The following PLA2G4A variants were observed in gnomAD, a reference collection of about 807,000 sequenced individuals.
The protein encoded by PLA2G4A is phospholipase A2 group IVA.
In PLA2G4A, 40 loss-of-function variants were observed where a neutral mutation model predicts 81.9. The ratio of observed to expected loss-of-function variants is 0.49; its 90% CI spans 0.38 to 0.64. The LOEUF is 0.64. Among genes scored for constraint, PLA2G4A ranks in the 30% least tolerant of loss-of-function variants. The pLI is 0.00. For missense variants in PLA2G4A, 715 were observed against 905.1 expected (o/e 0.79, Z 2.69); for synonymous variants, 302 against 296.9 (o/e 1.02, Z -0.18).
At chr1:186,947,000 T>C (rs373315977) in intron 12 of PLA2G4A, 39 bp downstream of exon 12, 123 of 1,087,120 alleles carry the variant, frequency 1.1e-4, no homozygotes, top group Middle Eastern at 6.0e-4. Context: ...CAAATCTTGC[T>C]ACATTGATAA....
chr1:186,861,627 C>T (rs545678806), intron 2 of PLA2G4A, among the ~76,000 whole-genome samples: 9 of 152,226 alleles, frequency 5.9e-5, no homozygotes, highest in African/African-American at 2.2e-4. Flanking sequence ...TCCAGACAAT[C>T]CCAAAAAGTT....
intron 1 of PLA2G4A, among the ~76,000 whole-genome samples, chr1:186,847,564 A>ACT (rs1160732241): frequency 1.4e-3 from 218 of 152,290 alleles, no homozygotes; most frequent in African/African-American, 5.0e-3. Context: ...TGCACTACTA[A>ACT]AATGGATAGT....
Position 186,979,340 on chromosome 1 carries a change from G to T in PLA2G4A, c.1986G>T (p.Glu662Asp), listed in dbSNP as rs973483604. ...GTGTTCCAAGGGAAACTGAGGAAGA[G>T]AAAGAAATCGCTGACTTTGATATTT... ...APGVPRETEEEKEIADFDIFD... is the reference protein window; with the variant it reads ...APGVPRETEEDKEIADFDIFD... Residue 662 changes from glutamate (E) to aspartate (D), a missense_variant, in exon 17 of 18, where the codon GAG (glutamate) becomes GAT (aspartate). Physicochemically the swap from Glu to Asp is conservative, Grantham distance 45. Transcript: ENST00000367466. The T allele has an allele frequency of 1.9e-6, 3 of 1,612,562 alleles. No homozygotes were observed. The highest frequency in any genetic ancestry group is 2.7e-5 in the African/African-American group (2 of 74,924).
intron 6 of PLA2G4A, among the ~76,000 whole-genome samples, chr1:186,909,225 C>T (rs1479170432): frequency 6.6e-6 from 1 of 150,476 alleles, no homozygotes; most frequent in Non-Finnish European, 1.5e-5. Context: ...CCGCCTGCCT[C>T]GGCCTCCCAA....
chr1:186,956,840 C>T (rs1346242592), intron 14 of PLA2G4A, among the ~76,000 whole-genome samples: 2 of 151,974 alleles, frequency 1.3e-5, no homozygotes, highest in East Asian at 3.9e-4. Flanking sequence ...GAAAAATTTA[C>T]ATTGGAGAGG....
At chr1:186,847,204 T>C (rs1475068848) in intron 1 of PLA2G4A, among the ~76,000 whole-genome samples, 4 of 152,090 alleles carry the variant, frequency 2.6e-5, no homozygotes, top group African/African-American at 9.7e-5. Flanking sequence ...TTCAGAGAAA[T>C]GGTAAATAAC....
At chr1:186,909,656 G>T (rs1381811204) in intron 6 of PLA2G4A, among the ~76,000 whole-genome samples, 3 of 45,312 alleles carry the variant, frequency 6.6e-5, no homozygotes, top group African/African-American at 3.0e-4. Context: ...GCGAAACTCC[G>T]TCTCAAAAAA....
chr1:186,950,879 ATGT>A, intron 13 of PLA2G4A, 151 bp downstream of exon 13: 2 of 666,724 alleles, frequency 3.0e-6, no homozygotes, highest in South Asian at 3.2e-5. Flanking sequence ...AGAGGATTGC[ATGT>A]TGCATGTCTA....
chr1:186,831,282 T>G (rs1651579752), intron 1 of PLA2G4A, among the ~76,000 whole-genome samples: 1 of 152,130 alleles, frequency 6.6e-6, no homozygotes, highest in Non-Finnish European at 1.5e-5. Context: ...TAAAATCATT[T>G]TACTTATAAG....
At chr1:186,962,331 T>C (rs757318613) in intron 14 of PLA2G4A, among the ~76,000 whole-genome samples, 7 of 152,068 alleles carry the variant, frequency 4.6e-5, no homozygotes, top group Non-Finnish European at 8.8e-5. Context: ...TGGGGGGTCT[T>C]GTGGCATATC....
chr1:186,950,568 T>C (rs1656519761), intron 12 of PLA2G4A, 89 bp from the exon 13 acceptor site: 3 of 717,606 alleles, frequency 4.2e-6, no homozygotes, highest in Non-Finnish European at 5.1e-6. Context: ...TCTCACTCTG[T>C]GGTTTTGCTC....
intron 17 of PLA2G4A, among the ~76,000 whole-genome samples, chr1:186,985,945 G>A (rs943422048): frequency 1.3e-5 from 2 of 152,162 alleles, no homozygotes; most frequent in Non-Finnish European, 2.9e-5. Flanking sequence ...GTATCATGTA[G>A]GATGCCAAAA....
At chr1:186,857,428 A>G (rs1008659829) in intron 2 of PLA2G4A, among the ~76,000 whole-genome samples, 5 of 131,060 alleles carry the variant, frequency 3.8e-5, no homozygotes, top group Admixed American at 9.3e-5. Context: ...TATAATATAT[A>G]CTATATAAAT....
chr1:186,885,569 C>T (rs1011244755), intron 3 of PLA2G4A, among the ~76,000 whole-genome samples: 6 of 152,034 alleles, frequency 3.9e-5, no homozygotes, highest in Admixed American at 2.0e-4. Flanking sequence ...AAATATTCAG[C>T]GGCTTATAGA....
chr1:186,922,625 GCC>G (rs1655393081), intron 7 of PLA2G4A, among the ~76,000 whole-genome samples: 1 of 152,188 alleles, frequency 6.6e-6, no homozygotes, highest in Non-Finnish European at 1.5e-5. Flanking sequence ...CTAAGGAGCT[GCC>G]TCGACCGTCT....
chr1:186,891,995 G>A (rs1052935595), intron 3 of PLA2G4A, among the ~76,000 whole-genome samples: 1 of 152,124 alleles, frequency 6.6e-6, no homozygotes, highest in Non-Finnish European at 1.5e-5. Flanking sequence ...TTATCCAGGT[G>A]AGATGAGATC....
At chr1:186,846,954 G>A (rs1652197234) in intron 1 of PLA2G4A, among the ~76,000 whole-genome samples, 1 of 151,824 alleles carries the variant, frequency 6.6e-6, no homozygotes, top group African/African-American at 2.4e-5. Flanking sequence ...CTTTTCTGCA[G>A]TATAGTTCTA....
intron 14 of PLA2G4A, among the ~76,000 whole-genome samples, chr1:186,962,045 G>A (rs61208933): frequency 0.19 from 28,854 of 151,980 alleles, 4,963 homozygotes; most frequent in African/African-American, 0.46. Flanking sequence ...CTACCTGCCC[G>A]TTAGTGACTC....
intron 13 of PLA2G4A, 65 bp from the exon 14 acceptor site, chr1:186,956,037 G>C: frequency 6.7e-7 from 1 of 1,487,352 alleles, no homozygotes; most frequent in Non-Finnish European, 9.3e-7. Context: ...ACCGTGCCCA[G>C]CCCAAAGATC....
Sources: gnomAD v4.1 joint callset for allele counts (sites outside exome capture counted in the v4.1 genomes callset) on GRCh38, gnomAD v4.1.1 for gene constraint, MANE v1.5 for transcripts, NCBI Gene and HGNC (gene_info 2026-07-23, HGNC 2026-07-21) for gene names.